RAD54B: variants seen among roughly 807,000 people sequenced by gnomAD.
The protein encoded by RAD54B is DNA repair and recombination protein RAD54B.
RAD54B carries 78 observed loss-of-function variants against 95.8 expected under a neutral mutation model. The observed-to-expected ratio is 0.81, with a 90% CI of 0.68 to 0.98. The LOEUF is 0.98. RAD54B is among the 50% of genes least tolerant of loss of function. RAD54B has a pLI of 0.00. For missense variants in RAD54B, 957 were observed against 1,056.6 expected, an observed-to-expected ratio of 0.91 and a Z score of 1.31; for synonymous variants, 328 against 354.9, an observed-to-expected ratio of 0.92 and a Z score of 0.85.
intron 11 of RAD54B, among the ~76,000 whole-genome samples, chr8:94,382,905 T>A (rs542691834): frequency 6.6e-6 from 1 of 152,310 alleles, no homozygotes; most frequent in African/African-American, 2.4e-5. Flanking sequence ...TGTGGAACTG[T>A]GAGTCAATTA....
At chr8:94,407,215 ATTT>A (rs1338179663) in intron 5 of RAD54B, among the ~76,000 whole-genome samples, 5 of 152,098 alleles carry the variant, frequency 3.3e-5, no homozygotes, top group East Asian at 1.9e-4. Context: ...CATGTACAGT[ATTT>A]TTATTACTGT....
At chr8:94,382,711 C>CG (rs1227911549) in intron 11 of RAD54B, among the ~76,000 whole-genome samples, 2 of 152,252 alleles carry the variant, frequency 1.3e-5, no homozygotes, top group East Asian at 1.9e-4. Flanking sequence ...GACTAAATCA[C>CG]GGGGGCGGTT....
In RAD54B at chr8:94,387,039, G is replaced by GT. The variant is rs1563637388; in HGVS notation, c.1929dup (p.Leu644ThrfsTer18). The GT allele has an allele frequency of 6.2e-7, 1 of 1,613,402 alleles. No homozygotes were observed. Among genetic ancestry groups the GT allele is most frequent in the Admixed American group, 1.7e-5 (1 of 59,878 alleles). On this transcript the variant is annotated frameshift_variant, in exon 11 of 15. Transcript: ENST00000336148. LOFTEE classifies it high-confidence loss of function. ...GCTAAGAGCTTGGACAACACCTGTA[G>GT]TTTTCCTGACTCCTTTTCAGTAAAC...
chr8:94,423,095 T>C (rs1319117401), intron 3 of RAD54B, among the ~76,000 whole-genome samples: 4 of 151,998 alleles, frequency 2.6e-5, no homozygotes, highest in African/African-American at 9.7e-5. Context: ...GACAAAGACT[T>C]GTTACCGGCC....
chr8:94,409,732 T>G (rs1377509222), intron 4 of RAD54B, among the ~76,000 whole-genome samples: 1 of 152,174 alleles, frequency 6.6e-6, no homozygotes, highest in Non-Finnish European at 1.5e-5. Flanking sequence ...CTAATTTTCA[T>G]TTTTTGTTAC....
chr8:94,428,356 A>G (rs1811996664), intron 3 of RAD54B: 1 of 979,044 alleles, frequency 1.0e-6, no homozygotes, highest in African/African-American at 1.8e-5. Flanking sequence ...TTAAGTGTAT[A>G]GTCATCCCTC....
At chr8:94,410,892 T>C (rs76844729) in intron 4 of RAD54B, among the ~76,000 whole-genome samples, 1,960 of 152,128 alleles carry the variant, frequency 0.013, 20 homozygotes, top group Non-Finnish European at 0.02. Flanking sequence ...TTGGAGAAAA[T>C]GAAACCATAG....
chr8:94,415,117 T>A (rs1811627802), intron 3 of RAD54B, among the ~76,000 whole-genome samples: 1 of 151,804 alleles, frequency 6.6e-6, no homozygotes, highest in Non-Finnish European at 1.5e-5. Flanking sequence ...CTTCAAACTA[T>A]ACTACAAGGC....
At chr8:94,403,987 A>G (rs368008739) in intron 6 of RAD54B, 90 bp downstream of exon 6, 15 of 1,056,914 alleles carry the variant, frequency 1.4e-5, no homozygotes, top group Non-Finnish European at 1.9e-5. Context: ...CTCAGGACTC[A>G]TTATATTAGG....
rs1810458679 is a variant in RAD54B at position 94,372,284 on chromosome 8, T to C, written c.2619A>G (p.Gln873=). 6.2e-7 allele frequency: 1 copy of C among 1,613,690 alleles called. No homozygotes were observed. Among genetic ancestry groups the C allele is most frequent in the Non-Finnish European group, 8.5e-7 (1 of 1,179,866 alleles). ...LKPLSMSQLK[Q]WKHFSGDHLN... ...AATGATCTCCAGAAAAATGTTTCCATTGCTTCAGCTGGGACATAGAAAGAG... is the reference window on the plus strand; with the variant it reads ...AATGATCTCCAGAAAAATGTTTCCACTGCTTCAGCTGGGACATAGAAAGAG... Residue 873 remains glutamine, a synonymous_variant, in exon 15 of 15, where the codon CAA becomes CAG. Transcript: ENST00000336148.
intron 3 of RAD54B, among the ~76,000 whole-genome samples, chr8:94,451,065 C>T (rs1812645276): frequency 6.6e-6 from 1 of 152,018 alleles, no homozygotes; most frequent in African/African-American, 2.4e-5. Context: ...GTTTTGACTG[C>T]TAGAAGAGCT....
intron 3 of RAD54B, among the ~76,000 whole-genome samples, chr8:94,424,642 C>G (rs1338135690): frequency 6.6e-6 from 1 of 152,064 alleles, no homozygotes; most frequent in Non-Finnish European, 1.5e-5. Context: ...CCTAACAATC[C>G]CAGTCTATAA....
At chr8:94,436,724 T>C (rs771132906) in intron 3 of RAD54B, 1 of 1,550,760 alleles carries the variant, frequency 6.4e-7, no homozygotes, top group South Asian at 1.2e-5. Context: ...TTAACTGCTA[T>C]GATATCCCAA....
At chr8:94,431,393 T>C (rs1467214280) in intron 3 of RAD54B, 3 of 984,896 alleles carry the variant, frequency 3.0e-6, no homozygotes, top group Non-Finnish European at 3.6e-6. Flanking sequence ...GTAATTATCC[T>C]GATTTCACAA....
chr8:94,410,776 C>A (rs1030897444), intron 4 of RAD54B, among the ~76,000 whole-genome samples: 2 of 152,074 alleles, frequency 1.3e-5, no homozygotes, highest in Non-Finnish European at 2.9e-5. Flanking sequence ...CAATTTTAAC[C>A]ACTTAGCATT....
chr8:94,415,315 T>G (rs1223062255), intron 3 of RAD54B, among the ~76,000 whole-genome samples: 3 of 143,030 alleles, frequency 2.1e-5, no homozygotes, highest in Non-Finnish European at 4.6e-5. Context: ...GCTAGCCATA[T>G]GTAGAAAGCT....
At chr8:94,396,441 T>C (rs1200408563) in intron 8 of RAD54B, among the ~76,000 whole-genome samples, 1 of 151,036 alleles carries the variant, frequency 6.6e-6, no homozygotes, top group Non-Finnish European at 1.5e-5. Context: ...AAAAAAGAAA[T>C]AAATCTACCA....
intron 3 of RAD54B, among the ~76,000 whole-genome samples, chr8:94,415,606 G>A (rs1183464774): frequency 1.2e-4 from 17 of 136,990 alleles, no homozygotes; most frequent in East Asian, 6.7e-4. Context: ...GAAAATTTTC[G>A]CAACCTACTC....
At chr8:94,404,317 A>C in intron 5 of RAD54B, 78 bp from the exon 6 acceptor site, 1 of 1,314,022 alleles carries the variant, frequency 7.6e-7, no homozygotes, top group Non-Finnish European at 1.0e-6. Flanking sequence ...CATTACCCTA[A>C]GATAGAAATG....
Sources: allele counts gnomAD v4.1 joint callset (sites outside exome capture counted in the v4.1 genomes callset), GRCh38; gene constraint gnomAD v4.1.1; transcripts MANE v1.5; gene names NCBI Gene and HGNC (gene_info 2026-07-23, HGNC 2026-07-21).